The following YES1 variants were observed in gnomAD, a reference collection of about 807,000 sequenced individuals.
YES1 encodes the protein YES proto-oncogene 1, Src family tyrosine kinase.
YES1 carries 39 observed loss-of-function variants against 70.4 expected under a neutral mutation model. The observed-to-expected ratio is 0.55, with a 90% CI of 0.43 to 0.72. The LOEUF is 0.72. YES1 is among the 30% of genes least tolerant of loss of function. The probability of loss-of-function intolerance (pLI) is 0.00; values close to 1 mark genes in which losing one functional copy is unlikely to be tolerated. For synonymous variants in YES1, 198 were observed against 218.6 expected (o/e 0.91, Z 0.83); for missense variants, 495 against 644.8 (o/e 0.77, Z 2.52).
intron 1 of YES1, among the ~76,000 whole-genome samples, chr18:791,789 T>C (rs1906262972): frequency 6.6e-6 from 1 of 152,128 alleles, no homozygotes; most frequent in South Asian, 2.1e-4. Flanking sequence ...GCGTGGTGGC[T>C]CACGTCTGTA....
rs753775836 is a variant in YES1 at position 756,708 on chromosome 18, T to C, written c.120A>G (p.Ser40=). ...SHYGAEPTTV[S]PCPSSSAKGT... The stretch of plus-strand genomic sequence containing the variant: ...CCTTTGCTGAAGATGACGGACATGG[T>C]GACACTGTAGTGGGTTCTGCTCCAT... Residue 40 remains serine, a synonymous_variant, in exon 2 of 12, where the codon TCA becomes TCG. Coordinates refer to ENST00000314574, the MANE Select transcript of YES1 (RefSeq NM_005433.4). 5 of 1,614,188 alleles carry C rather than the reference T, an allele frequency of 3.1e-6. No individual in the cohort carries two copies. The highest frequency in any genetic ancestry group is 3.4e-6 in the Non-Finnish European group (4 of 1,180,040).
intron 3 of YES1, among the ~76,000 whole-genome samples, chr18:748,306 T>C (rs1203297895): frequency 6.6e-6 from 1 of 151,912 alleles, no homozygotes; most frequent in Non-Finnish European, 1.5e-5. Flanking sequence ...AGACAGACGA[T>C]AGTGAATAAA....
intron 1 of YES1, among the ~76,000 whole-genome samples, chr18:765,277 T>G (rs1342004013): frequency 1.0e-5 from 1 of 98,760 alleles, no homozygotes. Flanking sequence ...TATATATATA[T>G]ATATATATAT....
rs965780737 is a variant in YES1 at position 725,226 on chromosome 18, A to G, written c.1424-594T>C. 7.9e-5 allele frequency among the ~76,000 whole-genome samples: 12 copies of G among 151,832 alleles called. 1 individual carries two copies. Among genetic ancestry groups the G allele is most frequent in the Admixed American group, 2.0e-4 (3 of 15,236 alleles). On this transcript the variant is annotated intron_variant, in intron 11 of 11. Transcript: ENST00000314574. Reference sequence around the variant, plus strand: ...GCAGTTCACCCCATCTTATCACAGGACAGCAAAATGCCTCCTTTTCCAAAT... The same window carrying G: ...GCAGTTCACCCCATCTTATCACAGGGCAGCAAAATGCCTCCTTTTCCAAAT...
intron 1 of YES1, among the ~76,000 whole-genome samples, chr18:804,904 ACT>A (rs1230017330): frequency 9.0e-6 from 1 of 110,512 alleles, no homozygotes; most frequent in African/African-American, 2.9e-5. Flanking sequence ...ACAGAGTGAG[ACT>A]CTGACTCAAA....
At chr18:757,464 C>T (rs1387545768) in intron 1 of YES1, among the ~76,000 whole-genome samples, 8 of 145,524 alleles carry the variant, frequency 5.5e-5, no homozygotes, top group South Asian at 4.3e-4. Context: ...GATCGCGCCA[C>T]TGCACTCCAG....
intron 1 of YES1, among the ~76,000 whole-genome samples, chr18:799,555 C>T (rs890960122): frequency 6.6e-6 from 1 of 151,932 alleles, no homozygotes; most frequent in Non-Finnish European, 1.5e-5. Flanking sequence ...ACTAAAAATA[C>T]AAAAAGTAGC....
At chr18:756,048 C>G (rs1362279808) in intron 2 of YES1, among the ~76,000 whole-genome samples, 1 of 152,154 alleles carries the variant, frequency 6.6e-6, no homozygotes, top group Non-Finnish European at 1.5e-5. Context: ...TACTTACTAT[C>G]TGTGACTTGG....
At chr18:779,620 C>T (rs749594495) in intron 1 of YES1, among the ~76,000 whole-genome samples, 1 of 152,092 alleles carries the variant, frequency 6.6e-6, no homozygotes, top group Non-Finnish European at 1.5e-5. Flanking sequence ...GGCAGAAAGG[C>T]ACCTATCAAG....
chr18:745,777 T>G lies in YES1; in HGVS notation c.655A>C (p.Asn219His), dbSNP rs768729901. 1.9e-6 allele frequency: 3 copies of G among 1,613,290 alleles called. No homozygotes were observed. The highest frequency in any genetic ancestry group is 2.5e-6 in the Non-Finnish European group (3 of 1,179,770). The part of the protein sequence containing the change: ...VKHYKIRKLD[N>H]GGYYITTRAQ... ...CTGGTTGTGATATAGTATCCACCAT[T>G]GTCAAGTTTCCTAATTTTGTAGTGT... Residue 219 changes from asparagine (N) to histidine (H), a missense_variant, in exon 6 of 12, where the codon AAT becomes CAT. Asn to His is a moderately conservative substitution (Grantham distance 68). Coordinates refer to ENST00000314574, the MANE Select transcript of YES1 (RefSeq NM_005433.4).
At chr18:741,317 C>T (rs1479730333) in intron 8 of YES1, among the ~76,000 whole-genome samples, 1 of 151,682 alleles carries the variant, frequency 6.6e-6, no homozygotes, top group Non-Finnish European at 1.5e-5. Flanking sequence ...AATCACAGCT[C>T]ACTATGGCCT....
At chr18:777,519 A>G (rs538705910) in intron 1 of YES1, among the ~76,000 whole-genome samples, 1 of 152,180 alleles carries the variant, frequency 6.6e-6, no homozygotes, top group African/African-American at 2.4e-5. Context: ...AGAATTACTT[A>G]TATCAGGCCG....
intron 1 of YES1, among the ~76,000 whole-genome samples, chr18:757,973 C>A (rs1568200657): frequency 6.6e-6 from 1 of 152,042 alleles, no homozygotes; most frequent in African/African-American, 2.4e-5. Context: ...TCTAGACAAT[C>A]TGGCACACAA....
At chr18:729,635 T>C (rs2040562234) in intron 11 of YES1, among the ~76,000 whole-genome samples, 1 of 139,150 alleles carries the variant, frequency 7.2e-6, no homozygotes, top group African/African-American at 2.7e-5. Context: ...TTTTTTTTTT[T>C]TTTTTTTTTG....
intron 11 of YES1, 114 bp from the exon 12 acceptor site, chr18:724,746 C>A (rs1336257653): frequency 4.0e-6 from 3 of 754,864 alleles, no homozygotes; most frequent in Admixed American, 5.8e-5. Flanking sequence ...TGAAACAATT[C>A]TTTTAACAAA....
At chr18:807,405 G>A (rs549694866) in intron 1 of YES1, among the ~76,000 whole-genome samples, 4 of 152,222 alleles carry the variant, frequency 2.6e-5, no homozygotes, top group Non-Finnish European at 5.9e-5. Flanking sequence ...AGGCTAAAGT[G>A]GGAGGATCCC....
At chr18:802,808 C>T in intron 1 of YES1, among the ~76,000 whole-genome samples, 1 of 152,028 alleles carries the variant, frequency 6.6e-6, no homozygotes, top group Admixed American at 6.6e-5. Context: ...AGGGGCCCAG[C>T]ACAGTGGCTC....
intron 1 of YES1, among the ~76,000 whole-genome samples, chr18:769,916 T>C (rs112390855): frequency 2.0e-5 from 3 of 152,144 alleles, no homozygotes; most frequent in Non-Finnish European, 2.9e-5. Flanking sequence ...TATCAGGATG[T>C]TGGCCTCACA....
At chr18:738,368 A>G (rs1252014700) in intron 9 of YES1, 2 of 152,228 alleles carry the variant, frequency 1.3e-5, no homozygotes, top group African/African-American at 2.4e-5. Context: ...TATATATACC[A>G]TCTTAATTCT....
Sources: allele counts gnomAD v4.1 joint callset (sites outside exome capture counted in the v4.1 genomes callset), GRCh38; gene constraint gnomAD v4.1.1; transcripts MANE v1.5; gene names NCBI Gene and HGNC (gene_info 2026-07-23, HGNC 2026-07-21).